Variants in TCF4 observed in about 807,000 individuals in gnomAD.
The protein encoded by TCF4 is SL3-3 enhancer factor 2.
A neutral mutation model predicts 82.1 loss-of-function variants in TCF4; 3 were observed. The ratio of observed to expected loss-of-function variants is 0.04; its 90% CI spans 0.02 to 0.09. The LOEUF is 0.09. Among genes scored for constraint, TCF4 ranks in the 10% least tolerant of loss-of-function variants. The probability of loss-of-function intolerance (pLI) is 1.00; values close to 1 mark genes in which losing one functional copy is unlikely to be tolerated. For missense variants in TCF4, 518 were observed against 852.7 expected, an observed-to-expected ratio of 0.61 and a Z score of 4.89; for synonymous variants, 276 against 309.6, an observed-to-expected ratio of 0.89 and a Z score of 1.14.
chr18:55,592,827 G>A (rs552200158), upstream of TCF4, among the ~76,000 whole-genome samples: 7 of 152,270 alleles, frequency 4.6e-5, no homozygotes, highest in Non-Finnish European at 8.8e-5. Context: ...GTAAGCAGAG[G>A]AAACTGCTCT....
At chr18:55,367,674 A>C (rs184872084) in intron 6 of TCF4, among the ~76,000 whole-genome samples, 417 of 152,376 alleles carry the variant, frequency 2.7e-3, no homozygotes, top group Non-Finnish European at 4.4e-3. Context: ...AACATGAACC[A>C]GGAAATATAT....
intron 18 of TCF4, 21 bp from the exon 19 acceptor site, chr18:55,228,382 G>A: frequency 2.5e-6 from 4 of 1,613,012 alleles, no homozygotes; most frequent in Non-Finnish European, 3.4e-6. Flanking sequence ...TTAAAGCACA[G>A]AACCTTTGTT....
At chr18:55,556,127 G>T (rs1405108171) in intron 3 of TCF4, among the ~76,000 whole-genome samples, 1 of 152,060 alleles carries the variant, frequency 6.6e-6, no homozygotes, top group Non-Finnish European at 1.5e-5. Context: ...ATAGTTAAGT[G>T]AGCTTATATA....
At chr18:55,291,510 T>C (rs985586836) in intron 8 of TCF4, among the ~76,000 whole-genome samples, 1 of 152,108 alleles carries the variant, frequency 6.6e-6, no homozygotes, top group African/African-American at 2.4e-5. Flanking sequence ...TTCATAAAGC[T>C]GAAAAAAAGT....
intron 8 of TCF4, among the ~76,000 whole-genome samples, chr18:55,335,683 GC>G (rs1344305017): frequency 2.6e-5 from 4 of 151,990 alleles, no homozygotes; most frequent in African/African-American, 9.7e-5. Context: ...ATTACTCTAT[GC>G]CTTAGTTTCC....
intron 12 of TCF4, 140 bp downstream of exon 12, chr18:55,261,326 A>G: frequency 2.0e-6 from 2 of 1,000,032 alleles, no homozygotes; most frequent in South Asian, 2.6e-5. Flanking sequence ...TTTTCCAGTG[A>G]CTGTTATGCA....
At chr18:55,583,080 ACC>A (rs2097592276) in intron 3 of TCF4, among the ~76,000 whole-genome samples, 6 of 152,140 alleles carry the variant, frequency 3.9e-5, no homozygotes. Flanking sequence ...TCCAATCTGT[ACC>A]CTACATATTA....
intron 5 of TCF4, among the ~76,000 whole-genome samples, chr18:55,431,333 G>A (rs2095185419): frequency 1.3e-5 from 2 of 152,164 alleles, no homozygotes; most frequent in African/African-American, 4.8e-5. Flanking sequence ...AGGCTAGAGT[G>A]CAATGGGGCG....
chr18:55,291,271 G>T (rs897475676), intron 8 of TCF4, among the ~76,000 whole-genome samples: 1 of 152,150 alleles, frequency 6.6e-6, no homozygotes, highest in Non-Finnish European at 1.5e-5. Flanking sequence ...AAGGAATCTG[G>T]TGGACAACTT....
chr18:55,362,468 T>C (rs2085719848), intron 6 of TCF4, among the ~76,000 whole-genome samples: 1 of 150,468 alleles, frequency 6.6e-6, no homozygotes, highest in Non-Finnish European at 1.5e-5. Context: ...TATCTGACCC[T>C]GACCTTTGGA....
chr18:55,299,539 C>A (rs1428015566), intron 8 of TCF4, among the ~76,000 whole-genome samples: 1 of 150,972 alleles, frequency 6.6e-6, no homozygotes, highest in Non-Finnish European at 1.5e-5. Flanking sequence ...CATGAGATAC[C>A]ACATTATTGT....
chr18:55,381,327 A>G (rs2091867989), intron 6 of TCF4, among the ~76,000 whole-genome samples: 1 of 152,218 alleles, frequency 6.6e-6, no homozygotes, highest in African/African-American at 2.4e-5. Context: ...AAAGGTGAAA[A>G]CACCCAGGTT....
intron 2 of TCF4, among the ~76,000 whole-genome samples, chr18:55,594,806 G>T (rs546375094): frequency 1.3e-5 from 2 of 152,190 alleles, no homozygotes; most frequent in Non-Finnish European, 2.9e-5. Context: ...GGAGACTGAC[G>T]CAGCCGCATA....
chr18:55,340,283 G>C (rs915296027), intron 8 of TCF4, among the ~76,000 whole-genome samples: 5 of 152,172 alleles, frequency 3.3e-5, no homozygotes, highest in Non-Finnish European at 2.9e-5. Context: ...GTTCAAAAGA[G>C]AGAAGATAAA....
intron 16 of TCF4, chr18:55,234,347 T>C (rs1277368390): frequency 2.9e-6 from 2 of 692,162 alleles, no homozygotes; most frequent in Non-Finnish European, 2.4e-6. Flanking sequence ...TCAGAGGATG[T>C]TTGAGGAAAA....
intron 5 of TCF4, among the ~76,000 whole-genome samples, chr18:55,425,692 G>A (rs1195788308): frequency 6.6e-6 from 1 of 152,122 alleles, no homozygotes; most frequent in Admixed American, 6.5e-5. Context: ...TGTGTACGTT[G>A]GGCTCTTTCA....
At chr18:55,282,388 A>G (rs759522066) in intron 8 of TCF4, among the ~76,000 whole-genome samples, 1 of 152,062 alleles carries the variant, frequency 6.6e-6, no homozygotes, top group Non-Finnish European at 1.5e-5. Flanking sequence ...CACCATGATC[A>G]TAATTTTCAC....
intron 11 of TCF4, chr18:55,266,656 G>GA (rs528910891): frequency 1.1e-3 from 156 of 143,996 alleles, no homozygotes; most frequent in African/African-American, 2.2e-3. Flanking sequence ...AATGTGTCAT[G>GA]AAAAAAAAAA....
rs1447221412 is a variant in TCF4, at chr18:55,588,087, C to G, written c.-70G>C. On this transcript the variant is annotated 5_prime_UTR_variant, in exon 1 of 20. Transcript: ENST00000354452. ...CCGTGCACCGCCGGCGCCGAGGCGG[C>G]GTTCATGTCTAACCGCCGCCGCCAC... 1.0e-6 allele frequency: 1 copy of G among 1,000,560 alleles called. No individual in the cohort carries two copies. The allele number at this position is 1,000,560 out of a possible 1,614,324, so 62.0% of individuals were successfully genotyped here.
Sources: gnomAD v4.1 joint callset for allele counts (sites outside exome capture counted in the v4.1 genomes callset) on GRCh38, gnomAD v4.1.1 for gene constraint, MANE v1.5 for transcripts, NCBI Gene and HGNC (gene_info 2026-07-23, HGNC 2026-07-21) for gene names.